The following COL4A4 variants were observed in gnomAD, a reference collection of about 807,000 sequenced individuals.
COL4A4 encodes collagen type IV alpha 4 chain, also known as collagen alpha-4(IV) chain.
In COL4A4, 105 loss-of-function variants were observed where a neutral mutation model predicts 192.9. The ratio of observed to expected loss-of-function variants is 0.54; its 90% confidence interval spans 0.46 to 0.64. COL4A4 has a LOEUF of 0.64. Ranked by LOEUF, COL4A4 falls within the 30% of genes least tolerant of loss-of-function variation. COL4A4 has a pLI of 0.00. For synonymous variants in COL4A4, 762 were observed against 769.9 expected, an observed-to-expected ratio of 0.99 and a Z score of 0.17; for missense variants, 1,967 against 2,169.3, an observed-to-expected ratio of 0.91 and a Z score of 1.85.
the COL4A4 span, chr2:226,995,423 CACT>C: frequency 6.3e-7 from 1 of 1,584,746 alleles, no homozygotes; most frequent in Non-Finnish European, 8.7e-7. Context: ...TTGGCTTTCT[CACT>C]ACAGGAAATA....
At chr2:226,970,381 C>G in the COL4A4 span, among the ~76,000 whole-genome samples, 1 of 152,002 alleles carries the variant, frequency 6.6e-6, no homozygotes, top group African/African-American at 2.4e-5. Context: ...TCATTTTTTA[C>G]TAAAATAAGC....
At chr2:226,984,381 C>G in the COL4A4 span, among the ~76,000 whole-genome samples, 1 of 152,222 alleles carries the variant, frequency 6.6e-6, no homozygotes, top group Non-Finnish European at 1.5e-5. Context: ...TGGCTGCCTT[C>G]TCACTGTGAC....
intron 42 of COL4A4, among the ~76,000 whole-genome samples, chr2:227,026,512 A>G (rs1243350650): frequency 2.0e-5 from 3 of 152,114 alleles, no homozygotes; most frequent in African/African-American, 7.2e-5. Context: ...AAAAAAAAAA[A>G]AAAGAATCAA....
chr2:226,987,275 T>C, the COL4A4 span, among the ~76,000 whole-genome samples: 1 of 151,892 alleles, frequency 6.6e-6, no homozygotes, highest in East Asian at 1.9e-4. Context: ...CAAACCACCA[T>C]GGCACACATA....
At chr2:226,990,198 C>G in the COL4A4 span, among the ~76,000 whole-genome samples, 14 of 152,238 alleles carry the variant, frequency 9.2e-5, no homozygotes, top group South Asian at 2.1e-4. Context: ...CCTGGGGTCC[C>G]TTCAGGCCTT....
At chr2:227,119,215 A>T (rs2061647735) in intron 6 of COL4A4, among the ~76,000 whole-genome samples, 1 of 151,976 alleles carries the variant, frequency 6.6e-6, no homozygotes, top group Non-Finnish European at 1.5e-5. Flanking sequence ...CATATTTTGG[A>T]ATTTTTTCTC....
At chr2:227,015,501 T>TA (rs1290353723) in intron 44 of COL4A4, among the ~76,000 whole-genome samples, 105 of 152,248 alleles carry the variant, frequency 6.9e-4, no homozygotes, top group African/African-American at 2.5e-3. Flanking sequence ...ACCAAAGCCT[T>TA]AAATGTTCCT....
chr2:227,127,454 G>T (rs1285971470), intron 4 of COL4A4, among the ~76,000 whole-genome samples: 1 of 152,162 alleles, frequency 6.6e-6, no homozygotes, highest in Admixed American at 6.5e-5. Context: ...CAGAACCGCC[G>T]GCCTCCCTGT....
intron 45 of COL4A4, 108 bp downstream of exon 45, chr2:227,012,073 A>C: frequency 2.3e-6 from 2 of 875,450 alleles, no homozygotes; most frequent in Non-Finnish European, 3.9e-6. Context: ...TCTAAGGCAA[A>C]TGATCTGAAT....
intron 46 of COL4A4, among the ~76,000 whole-genome samples, chr2:227,008,592 G>A (rs1962761245): frequency 6.6e-6 from 1 of 152,214 alleles, no homozygotes; most frequent in African/African-American, 2.4e-5. Context: ...GGAACTGGAT[G>A]AGCAAACAAG....
downstream of COL4A4, among the ~76,000 whole-genome samples, chr2:227,002,168 CAA>C (rs55908824): frequency 0.041 from 3,128 of 76,186 alleles, 74 homozygotes; most frequent in African/African-American, 0.15. Flanking sequence ...GACCCTGTCT[CAA>C]AAAAAAAAAA....
chr2:227,032,164 A>T lies in COL4A4; in HGVS notation c.3690T>A (p.Gly1230=). 1 of 1,613,994 alleles carries T rather than the reference A, an allele frequency of 6.2e-7. No homozygotes were observed. Among genetic ancestry groups the T allele is most frequent in the Non-Finnish European group, 8.5e-7 (1 of 1,179,968 alleles). The stretch of plus-strand genomic sequence containing the variant: ...ACAGCTTACCTGGGGGTCCTGGGGG[A>T]CCTTTCTTTCCACGAGGACCTGGAG... ...ISPPGPRGKK[G]PPGPPGSSGP... is the part of the protein sequence containing the mutation. Residue 1230 remains glycine (G), a synonymous_variant, in exon 39 of 48, where the codon GGT becomes GGA. Transcript: ENST00000396625.
intron 37 of COL4A4, among the ~76,000 whole-genome samples, chr2:227,039,619 A>G (rs1233706052): frequency 6.6e-6 from 1 of 152,242 alleles, no homozygotes; most frequent in Non-Finnish European, 1.5e-5. Flanking sequence ...ACACTTAAAA[A>G]TCCTTGCTGT....
chr2:227,115,641 C>T (rs2061453755), intron 7 of COL4A4, among the ~76,000 whole-genome samples: 1 of 152,150 alleles, frequency 6.6e-6, no homozygotes, highest in Non-Finnish European at 1.5e-5. Flanking sequence ...ATATATCAAG[C>T]TCATATGAAA....
At chr2:227,048,103 C>G (rs1973285681) in intron 34 of COL4A4, among the ~76,000 whole-genome samples, 1 of 152,110 alleles carries the variant, frequency 6.6e-6, no homozygotes, top group South Asian at 2.1e-4. Flanking sequence ...CATAATGCTT[C>G]CAGACACAAG....
chr2:226,976,043 C>T, the COL4A4 span, among the ~76,000 whole-genome samples: 1 of 151,746 alleles, frequency 6.6e-6, no homozygotes, highest in Non-Finnish European at 1.5e-5. Flanking sequence ...GTCACAAGTC[C>T]TGGCTGTTTG....
chr2:227,089,836 T>G (rs375843806), intron 21 of COL4A4, 32 bp downstream of exon 21: 1 of 1,544,596 alleles, frequency 6.5e-7, no homozygotes, highest in Non-Finnish European at 9.0e-7. Context: ...TACAGTTGTC[T>G]TCTAGAAATT....
At chr2:227,124,424 C>T (rs1476435362) in intron 4 of COL4A4, among the ~76,000 whole-genome samples, 5 of 152,270 alleles carry the variant, frequency 3.3e-5, no homozygotes, top group Middle Eastern at 3.4e-3. Flanking sequence ...GTCATTAACT[C>T]GACAAACATG....
intron 37 of COL4A4, among the ~76,000 whole-genome samples, chr2:227,037,984 T>C (rs750058109): frequency 2.6e-5 from 4 of 152,102 alleles, no homozygotes; most frequent in Non-Finnish European, 4.4e-5. Context: ...GTCAGATGGA[T>C]AGATTGCAAA....
Sources: allele counts gnomAD v4.1 joint callset (sites outside exome capture counted in the v4.1 genomes callset), GRCh38; gene constraint gnomAD v4.1.1; transcripts MANE v1.5; gene names NCBI Gene and HGNC (gene_info 2026-07-23, HGNC 2026-07-21).